The following TXNDC16 variants were observed in gnomAD, a reference collection of about 807,000 sequenced individuals.
TXNDC16 encodes the protein thioredoxin domain containing 16.
Under a neutral mutation model 85.6 loss-of-function variants are expected in TXNDC16, and 74 were observed. The observed-to-expected ratio is 0.86, with a 90% confidence interval of 0.72 to 1.05. TXNDC16 has a LOEUF of 1.05. Among genes scored for constraint, TXNDC16 ranks in the 50% least tolerant of loss-of-function variants. TXNDC16 has a pLI of 0.00. For synonymous variants in TXNDC16, 335 were observed against 326.5 expected (o/e 1.03, Z -0.28); for missense variants, 959 against 947.0 (o/e 1.01, Z -0.17).
chr14:52,521,373 G>A (rs1185751845), intron 6 of TXNDC16, among the ~76,000 whole-genome samples: 7 of 150,700 alleles, frequency 4.6e-5, no homozygotes, highest in Middle Eastern at 3.4e-3. Flanking sequence ...CGCCCACCTC[G>A]GCCTCCCAAA....
intron 18 of TXNDC16, among the ~76,000 whole-genome samples, chr14:52,450,557 C>T (rs1387090470): frequency 1.3e-5 from 2 of 151,224 alleles, no homozygotes; most frequent in East Asian, 1.9e-4. Context: ...AAATCAAAAC[C>T]GCAATGCAAT....
In TXNDC16 at chr14:52,544,254, G is replaced by A. The variant is rs1435692607; in HGVS notation, c.-74+10C>T. 6.6e-6 allele frequency: 1 copy of A among 151,562 alleles called. No individual in the cohort carries two copies. The highest frequency in any genetic ancestry group is 1.5e-5 in the Non-Finnish European group (1 of 67,818). The allele number at this position is 151,562 out of a possible 1,614,324, so 9.4% of individuals were successfully genotyped here. Reference sequence around the variant, plus strand: ...TATCCTCCTCTTATCTTCTTTCTTGGCGTACTTACTTCCATGCTGTCCTCT... The same window carrying A: ...TATCCTCCTCTTATCTTCTTTCTTGACGTACTTACTTCCATGCTGTCCTCT... On this transcript the variant is annotated intron_variant, in intron 2 of 20. Transcript: ENST00000281741.
chr14:52,546,478 G>A (rs545964971), intron 1 of TXNDC16, among the ~76,000 whole-genome samples: 6 of 152,180 alleles, frequency 3.9e-5, no homozygotes, highest in South Asian at 2.1e-4. Flanking sequence ...AGTTAGTTAC[G>A]ACCACCAGAT....
intron 16 of TXNDC16, among the ~76,000 whole-genome samples, chr14:52,458,427 T>C (rs1175539379): frequency 6.6e-6 from 1 of 152,084 alleles, no homozygotes; most frequent in Non-Finnish European, 1.5e-5. Flanking sequence ...CATGGTGGCA[T>C]GTGCCTGTAG....
intron 8 of TXNDC16, among the ~76,000 whole-genome samples, chr14:52,512,295 A>G (rs1254284639): frequency 1.3e-5 from 2 of 152,220 alleles, no homozygotes; most frequent in Admixed American, 1.3e-4. Context: ...ATTAAATTGT[A>G]GTTTGTAAGT....
intron 11 of TXNDC16, among the ~76,000 whole-genome samples, chr14:52,488,839 A>AAACAAAC (rs1555337758): frequency 3.3e-5 from 5 of 151,454 alleles, no homozygotes; most frequent in African/African-American, 9.8e-5. Flanking sequence ...GGGAAAAAAA[A>AAACAAAC]AAAAAAAAAA....
intron 16 of TXNDC16, among the ~76,000 whole-genome samples, chr14:52,466,693 C>T (rs901485282): frequency 2.6e-4 from 40 of 151,890 alleles, no homozygotes; most frequent in African/African-American, 9.2e-4. Flanking sequence ...GTTAAAACCC[C>T]GTCTCTATTA....
At chr14:52,509,061 A>C (rs2036889817) in intron 9 of TXNDC16, among the ~76,000 whole-genome samples, 2 of 151,582 alleles carry the variant, frequency 1.3e-5, no homozygotes, top group Admixed American at 6.5e-5. Flanking sequence ...ATAATAAAAA[A>C]AACTAATATT....
intron 9 of TXNDC16, among the ~76,000 whole-genome samples, chr14:52,493,683 C>T (rs2036466625): frequency 6.6e-6 from 1 of 152,108 alleles, no homozygotes; most frequent in Admixed American, 6.6e-5. Flanking sequence ...AACTGAAGGA[C>T]ATGAGTTGTC....
intron 9 of TXNDC16, among the ~76,000 whole-genome samples, chr14:52,504,047 C>T (rs139321038): frequency 1.3e-5 from 2 of 152,126 alleles, no homozygotes; most frequent in African/African-American, 4.8e-5. Context: ...AAGAACAAAG[C>T]ATCCAAGAAA....
At position 52,470,565 on chromosome 14, in the gene TXNDC16, T is replaced by C. The variant is rs2035883256; in HGVS notation, c.1428A>G (p.Pro476=). ...TTCCTAACATTCCAGCATAAGATAC[T>C]GGGTTCTCGCCTTTCTTGTACATCT... ...IIKMYKKGEN[P]VSYAGMLGTE... Residue 476 remains proline, a synonymous_variant, in exon 15 of 21, where the codon CCA becomes CCG. Coordinates refer to ENST00000281741, the MANE Select transcript of TXNDC16 (RefSeq NM_020784.3). 2 of 1,614,006 alleles carry C rather than the reference T, an allele frequency of 1.2e-6. No individual in the cohort carries two copies. The highest frequency in any genetic ancestry group is 1.7e-4 in the Middle Eastern group (1 of 6,054).
At chr14:52,459,862 C>T (rs2035614578) in intron 16 of TXNDC16, among the ~76,000 whole-genome samples, 1 of 151,950 alleles carries the variant, frequency 6.6e-6, no homozygotes, top group Non-Finnish European at 1.5e-5. Context: ...AATAAAATAC[C>T]CCTTCATGTT....
In TXNDC16 at chr14:52,468,936, C is replaced by T. The variant is rs111932121; in HGVS notation, c.1618+1101G>A. Among the ~76,000 whole-genome samples, 323 of 151,116 alleles carry T rather than the reference C, an allele frequency of 2.1e-3. 2 individuals are homozygous for T. The highest frequency in any genetic ancestry group is 7.6e-3 in the African/African-American group (312 of 41,186). ...TAACCTACAATTTATAGAAGACATA[C>T]GTTATTCTATTGGGAACCTAAACTC... On this transcript the variant is annotated intron_variant, in intron 16 of 20. Transcript: ENST00000281741.
chr14:52,460,625 C>G (rs542777381), intron 16 of TXNDC16, among the ~76,000 whole-genome samples: 4 of 152,100 alleles, frequency 2.6e-5, no homozygotes, highest in African/African-American at 9.6e-5. Flanking sequence ...TTAAATATGT[C>G]AAAAGTTTAA....
chr14:52,435,732 G>C lies in TXNDC16; in HGVS notation c.2195-3145C>G, dbSNP rs1052885475. Among the ~76,000 whole-genome samples the C allele has an allele frequency of 9.1e-4, 139 of 152,192 alleles. 1 individual carries two copies. Among genetic ancestry groups the C allele is most frequent in the African/African-American group, 3.2e-3 (133 of 41,508 alleles). ...TCCCAACACTTTGGGGGGCTGAGGA[G>C]GGAGGGTTGCTTGAGGCCAACAGTT... On this transcript the variant is annotated intron_variant, in intron 20 of 20. Coordinates refer to ENST00000281741, the MANE Select transcript of TXNDC16 (RefSeq NM_020784.3).
At chr14:52,439,707 T>G (rs562613739) in intron 19 of TXNDC16, among the ~76,000 whole-genome samples, 46 of 152,346 alleles carry the variant, frequency 3.0e-4, no homozygotes, top group African/African-American at 1.1e-3. Context: ...CCTTCCAACA[T>G]TTGGCCAAGT....
intron 18 of TXNDC16, among the ~76,000 whole-genome samples, chr14:52,441,727 CT>C (rs1240967643): frequency 1.3e-5 from 2 of 152,192 alleles, no homozygotes; most frequent in Non-Finnish European, 2.9e-5. Context: ...ATTAATCTGC[CT>C]TTTTTCAGTT....
At chr14:52,444,474 C>G (rs973050904) in intron 18 of TXNDC16, among the ~76,000 whole-genome samples, 1 of 152,162 alleles carries the variant, frequency 6.6e-6, no homozygotes, top group Non-Finnish European at 1.5e-5. Context: ...GTCATCAACT[C>G]TCCTTCCTCA....
intron 10 of TXNDC16, 50 bp downstream of exon 10, chr14:52,490,779 TAAAACGTGGA>T: frequency 6.5e-7 from 1 of 1,538,734 alleles, no homozygotes; most frequent in Non-Finnish European, 8.8e-7. Flanking sequence ...TACCATATTT[TAAAACGTGGA>T]AACTATTAGC....
Sources: gnomAD v4.1 joint callset for allele counts (sites outside exome capture counted in the v4.1 genomes callset) on GRCh38, gnomAD v4.1.1 for gene constraint, MANE v1.5 for transcripts, NCBI Gene and HGNC (gene_info 2026-07-23, HGNC 2026-07-21) for gene names.